RAPGEF2: variants seen among roughly 807,000 people sequenced by gnomAD.
RAPGEF2 encodes PDZ domain containing guanine nucleotide exchange factor (GEF) 1.
In RAPGEF2, 54 loss-of-function variants were observed where a neutral mutation model predicts 186.7. That is an observed-to-expected ratio of 0.29 (90% CI 0.23 to 0.36). The LOEUF (loss-of-function observed/expected upper bound fraction) is 0.36. Ranked by LOEUF, RAPGEF2 falls within the 10% of genes least tolerant of loss-of-function variation. The pLI, the probability that RAPGEF2 is intolerant of heterozygous loss-of-function variation, is 1.00. For missense variants in RAPGEF2, 1,532 were observed against 2,045.0 expected, an observed-to-expected ratio of 0.75 and a Z score of 4.84; for synonymous variants, 712 against 705.9, an observed-to-expected ratio of 1.01 and a Z score of -0.14.
At chr4:159,173,039 G>T (rs1300674024) in intron 1 of RAPGEF2, among the ~76,000 whole-genome samples, 1 of 152,126 alleles carries the variant, frequency 6.6e-6, no homozygotes. Flanking sequence ...CTGACCAATA[G>T]TGGAAGGCTT....
intron 7 of RAPGEF2, among the ~76,000 whole-genome samples, chr4:159,293,105 T>C (rs1761451665): frequency 2.0e-5 from 3 of 152,330 alleles, no homozygotes; most frequent in African/African-American, 7.2e-5. Flanking sequence ...ACAAAATTTG[T>C]GTGCTTATAT....
At chr4:159,318,920 C>T (rs973538389) in intron 9 of RAPGEF2, among the ~76,000 whole-genome samples, 2 of 151,968 alleles carry the variant, frequency 1.3e-5, no homozygotes, top group Non-Finnish European at 2.9e-5. Context: ...AATATTTTTC[C>T]ATAAACGTTA....
At chr4:159,262,443 G>A (rs905184353) in intron 7 of RAPGEF2, among the ~76,000 whole-genome samples, 1 of 152,120 alleles carries the variant, frequency 6.6e-6, no homozygotes, top group African/African-American at 2.4e-5. Flanking sequence ...GAAAAAGCAT[G>A]GAAATAATTC....
intron 1 of RAPGEF2, among the ~76,000 whole-genome samples, chr4:159,163,073 G>C (rs1011432957): frequency 2.6e-5 from 4 of 152,094 alleles, no homozygotes; most frequent in Non-Finnish European, 5.9e-5. Context: ...CTTTGTAAAG[G>C]GCTTAATTTT....
At chr4:159,294,544 GC>G (rs1276313159) in intron 7 of RAPGEF2, among the ~76,000 whole-genome samples, 2 of 152,182 alleles carry the variant, frequency 1.3e-5, no homozygotes, top group Admixed American at 6.5e-5. Context: ...TGGTATGATT[GC>G]ATGATTTGCT....
chr4:159,113,538 C>T (rs1018509955), intron 1 of RAPGEF2, among the ~76,000 whole-genome samples: 1 of 151,832 alleles, frequency 6.6e-6, no homozygotes, highest in African/African-American at 2.4e-5. Context: ...GTCGGGAATT[C>T]GAGTTGAGCC....
At chr4:159,312,968 T>A (rs953833910) in intron 8 of RAPGEF2, among the ~76,000 whole-genome samples, 2 of 152,038 alleles carry the variant, frequency 1.3e-5, no homozygotes, top group African/African-American at 2.4e-5. Context: ...GCCAACATGA[T>A]GAAATCCCGT....
intron 1 of RAPGEF2, among the ~76,000 whole-genome samples, chr4:159,172,094 A>T (rs1199593860): frequency 6.6e-6 from 1 of 152,252 alleles, no homozygotes; most frequent in South Asian, 2.1e-4. Flanking sequence ...CATTAAGCTT[A>T]TCAAGGATCT....
At chr4:159,192,527 G>T (rs1216627149) in intron 2 of RAPGEF2, among the ~76,000 whole-genome samples, 1 of 152,076 alleles carries the variant, frequency 6.6e-6, no homozygotes, top group African/African-American at 2.4e-5. Flanking sequence ...CTGTATTTTG[G>T]GAAAAATGTA....
chr4:159,245,216 A>T (rs1469787037), intron 7 of RAPGEF2, among the ~76,000 whole-genome samples: 1 of 152,080 alleles, frequency 6.6e-6, no homozygotes, highest in Admixed American at 6.5e-5. Context: ...ATGAATACTC[A>T]TAGTCCATGT....
intron 4 of RAPGEF2, among the ~76,000 whole-genome samples, chr4:159,227,594 C>A (rs1030155017): frequency 1.3e-5 from 2 of 152,104 alleles, no homozygotes; most frequent in African/African-American, 4.8e-5. Flanking sequence ...AGACTGATAG[C>A]AGCAGATTAA....
intron 3 of RAPGEF2, among the ~76,000 whole-genome samples, chr4:159,198,555 C>T (rs555790185): frequency 1.1e-4 from 17 of 151,830 alleles, no homozygotes; most frequent in Non-Finnish European, 2.2e-4. Context: ...AAGCCATTCT[C>T]GTGCCTCAGC....
At chr4:159,153,781 A>C (rs1482908158) in intron 1 of RAPGEF2, among the ~76,000 whole-genome samples, 1 of 152,114 alleles carries the variant, frequency 6.6e-6, no homozygotes, top group East Asian at 1.9e-4. Context: ...TTATTTGTAG[A>C]ATTCTTGTAG....
intron 2 of RAPGEF2, among the ~76,000 whole-genome samples, chr4:159,191,214 T>A (rs1579419282): frequency 6.7e-6 from 1 of 149,736 alleles, no homozygotes; most frequent in East Asian, 1.9e-4. Context: ...AAAAAAAAAA[T>A]GACTAGTAAG....
chr4:159,323,123 A>G (rs1346363022), intron 10 of RAPGEF2, among the ~76,000 whole-genome samples: 1 of 152,182 alleles, frequency 6.6e-6, no homozygotes, highest in Non-Finnish European at 1.5e-5. Flanking sequence ...TGTCAGACAA[A>G]ATGATATTCT....
chr4:159,350,152 A>G lies in RAPGEF2; in HGVS notation c.3728A>G (p.Gln1243Arg). 6.4e-7 allele frequency: 1 copy of G among 1,570,256 alleles called. No homozygotes were observed. The highest frequency in any genetic ancestry group is 1.8e-5 in the Admixed American group (1 of 54,996). The change falls in exon 26 of 30, where the codon CAA becomes CGA. Residue 1243 changes from glutamine (Q) to arginine (R), a missense_variant. This residue lies in a region of RAPGEF2 where 594 missense variants were observed against 608.5 expected (regional missense o/e 0.98). Transcript: ENST00000691494. ...DLPPFGINSP[Q>R]ALKKILSLSE... is the part of the protein sequence containing the mutation. ...TCCATTATAGGCATAAACTCTCCACAAGCTTTAAAAAAAATTCTTTCTTTG... is the reference window on the plus strand; with the variant it reads ...TCCATTATAGGCATAAACTCTCCACGAGCTTTAAAAAAAATTCTTTCTTTG...
chr4:159,117,261 G>T (rs1739146659), intron 1 of RAPGEF2, among the ~76,000 whole-genome samples: 1 of 152,172 alleles, frequency 6.6e-6, no homozygotes, highest in Non-Finnish European at 1.5e-5. Context: ...TTTTTGTGTA[G>T]CTGTGAGAAA....
At chr4:159,333,983 TATTG>T (rs1480160404) in intron 17 of RAPGEF2, among the ~76,000 whole-genome samples, 3 of 152,216 alleles carry the variant, frequency 2.0e-5, no homozygotes, top group African/African-American at 7.2e-5. Context: ...TAAAATATAC[TATTG>T]ATTGGTTGAG....
At chr4:159,272,378 C>A (rs1028559870) in intron 7 of RAPGEF2, among the ~76,000 whole-genome samples, 3 of 152,216 alleles carry the variant, frequency 2.0e-5, no homozygotes, top group African/African-American at 4.8e-5. Context: ...TTAGGACAAG[C>A]TGGCTTGATT....
Sources: gnomAD v4.1 joint callset for allele counts (sites outside exome capture counted in the v4.1 genomes callset) on GRCh38, gnomAD v4.1.1 for gene constraint, gnomAD v4.1.1 regional missense constraint, MANE v1.5 for transcripts, NCBI Gene and HGNC (gene_info 2026-07-23, HGNC 2026-07-21) for gene names.